NUP54: variants seen among roughly 807,000 people sequenced by gnomAD.
NUP54 encodes nucleoporin 54.
A neutral mutation model predicts 66.4 loss-of-function variants in NUP54; 27 were observed. The ratio of observed to expected loss-of-function variants is 0.41; its 90% confidence interval spans 0.30 to 0.56. NUP54 has a LOEUF of 0.56. NUP54 is among the 20% of genes least tolerant of loss of function. The pLI, the probability that NUP54 is intolerant of heterozygous loss-of-function variation, is 0.34. For missense variants in NUP54, 486 were observed against 596.3 expected (o/e 0.82, Z 1.93); for synonymous variants, 206 against 210.7 (o/e 0.98, Z 0.19).
At chr4:76,132,433 A>T in intron 6 of NUP54, 90 bp downstream of exon 6, 1 of 934,186 alleles carries the variant, frequency 1.1e-6, no homozygotes, top group South Asian at 2.5e-5. Context: ...TTTTATTAGC[A>T]TTAATAACCA....
At chr4:76,122,153 A>G (rs965214166) in intron 9 of NUP54, among the ~76,000 whole-genome samples, 5 of 152,228 alleles carry the variant, frequency 3.3e-5, no homozygotes, top group Non-Finnish European at 7.3e-5. Flanking sequence ...ATGTCCTGTT[A>G]TTAAAACCAA....
chr4:76,147,399 CT>C, intron 1 of NUP54: 1 of 964,978 alleles, frequency 1.0e-6, no homozygotes, highest in Non-Finnish European at 1.4e-6. Flanking sequence ...AGTAACTGTT[CT>C]TTCCCAAACT....
intron 3 of NUP54, among the ~76,000 whole-genome samples, chr4:76,138,895 C>T (rs1165890526): frequency 6.6e-6 from 1 of 152,104 alleles, no homozygotes; most frequent in African/African-American, 2.4e-5. Flanking sequence ...CCAAATGCAA[C>T]AACTGAAACA....
At chr4:76,138,150 T>C (rs150564230) in intron 3 of NUP54, among the ~76,000 whole-genome samples, 219 of 152,244 alleles carry the variant, frequency 1.4e-3, no homozygotes, top group African/African-American at 5.1e-3. Flanking sequence ...CAAATTAGTA[T>C]ATATAAACAT....
At chr4:76,117,922 A>C (rs1730024587) in intron 10 of NUP54, 148 bp from the exon 11 acceptor site, 3 of 1,005,268 alleles carry the variant, frequency 3.0e-6, no homozygotes, top group Non-Finnish European at 3.0e-6. Context: ...AATACTAGCC[A>C]AAAGAACCAT....
At chr4:76,139,296 T>A (rs1316754356) in intron 3 of NUP54, among the ~76,000 whole-genome samples, 2 of 152,180 alleles carry the variant, frequency 1.3e-5, no homozygotes, top group Non-Finnish European at 2.9e-5. Flanking sequence ...AATCTTAGCA[T>A]CACCAAAAGT....
intron 9 of NUP54, among the ~76,000 whole-genome samples, chr4:76,121,367 A>G (rs1178666295): frequency 2.0e-5 from 3 of 152,218 alleles, no homozygotes; most frequent in Non-Finnish European, 2.9e-5. Flanking sequence ...GAAATCTGGT[A>G]AAGAAGTCCC....
At chr4:76,137,096 A>C (rs60499439) in intron 3 of NUP54, among the ~76,000 whole-genome samples, 19,999 of 152,040 alleles carry the variant, frequency 0.13, 1,530 homozygotes, top group East Asian at 0.35. Flanking sequence ...CTCAAGCAAT[A>C]CCCCTGCTTC....
chr4:76,135,669 A>C (rs1428908039), intron 4 of NUP54, among the ~76,000 whole-genome samples: 1 of 152,246 alleles, frequency 6.6e-6, no homozygotes, highest in Non-Finnish European at 1.5e-5. Context: ...TTTGTTATGG[A>C]AAATGCATTA....
chr4:76,123,652 A>G, intron 9 of NUP54, among the ~76,000 whole-genome samples: 1 of 152,060 alleles, frequency 6.6e-6, no homozygotes, highest in East Asian at 1.9e-4. Flanking sequence ...AACTGGAACT[A>G]CAGGCACAAG....
chr4:76,143,252 A>G (rs1044382551), intron 3 of NUP54, among the ~76,000 whole-genome samples: 19 of 152,340 alleles, frequency 1.2e-4, no homozygotes, highest in Non-Finnish European at 1.3e-4. Context: ...TGCAATCAGA[A>G]AAGTCTTGAC....
chr4:76,127,749 C>T (rs991683660), intron 8 of NUP54, among the ~76,000 whole-genome samples: 2 of 151,884 alleles, frequency 1.3e-5, no homozygotes, highest in Middle Eastern at 3.2e-3. Context: ...ATATTTACAA[C>T]GTTATAAACA....
intron 6 of NUP54, chr4:76,132,307 T>C: frequency 3.0e-6 from 1 of 330,910 alleles, no homozygotes; most frequent in Non-Finnish European, 5.3e-6. Context: ...CAGTTCACTA[T>C]TTCTCAAAAT....
chr4:76,123,671 C>A (rs1004649280), intron 9 of NUP54, among the ~76,000 whole-genome samples: 1 of 152,154 alleles, frequency 6.6e-6, no homozygotes, highest in African/African-American at 2.4e-5. Flanking sequence ...AGCAACCATG[C>A]CTGGCTGATT....
Position 76,117,682 on chromosome 4 carries a change from CAG to C in NUP54, c.1375_1376del (p.Leu459ValfsTer16). ...SEERYYIDAD[L>X]LREIKQHLKQ... Reference sequence around the variant, plus strand: ...CACTTACCTGCTTGATTTCTCGTAACAGATCTGCATCTATGTAATACCTTTCT... The same window carrying C: ...CACTTACCTGCTTGATTTCTCGTAACATCTGCATCTATGTAATACCTTTCT... On this transcript the variant is annotated frameshift_variant, in exon 11 of 12. Coordinates refer to ENST00000264883, the MANE Select transcript of NUP54 (RefSeq NM_017426.4). LOFTEE classifies it high-confidence loss of function. 6.2e-7 allele frequency: 1 copy of C among 1,611,236 alleles called. No homozygotes were observed. The highest frequency in any genetic ancestry group is 8.5e-7 in the Non-Finnish European group (1 of 1,177,532).
intron 1 of NUP54, chr4:76,147,526 G>A (rs945130951): frequency 1.6e-6 from 2 of 1,289,686 alleles, no homozygotes; most frequent in Non-Finnish European, 2.0e-6. Context: ...CGCCGAGGTA[G>A]TAGAAACACC....
intron 8 of NUP54, among the ~76,000 whole-genome samples, chr4:76,128,473 CACAAA>C (rs1730640819): frequency 6.8e-6 from 1 of 146,274 alleles, no homozygotes; most frequent in Non-Finnish European, 1.5e-5. Context: ...AGGCTACAAA[CACAAA>C]ACAAATAAAT....
Position 76,115,229 on chromosome 4 carries a change from T to A in NUP54, c.*137A>T. ...TTCAGATTTGATGAACAGTAATTTG[T>A]CAGTAAACTTCTCAAAAAACCAATC... On this transcript the variant is annotated 3_prime_UTR_variant, in exon 12 of 12. Coordinates refer to ENST00000264883, the MANE Select transcript of NUP54 (RefSeq NM_017426.4). 1 of 661,882 alleles carries A rather than the reference T, an allele frequency of 1.5e-6. No individual in the cohort carries two copies. Among genetic ancestry groups the A allele is most frequent in the Non-Finnish European group, 2.3e-6 (1 of 433,838 alleles). 41.0% of individuals were successfully genotyped at this position (661,882 alleles called of 1,614,324 possible). A position where few individuals can be genotyped will look rare whatever the true frequency, so the allele number is the denominator to read the frequency against.
Position 76,148,370 on chromosome 4 carries a change from G to A in NUP54, c.5C>T (p.Ala2Val), listed in dbSNP as rs1047707173. Residue 2 changes from alanine to valine, a missense_variant, in exon 1 of 12, where the codon GCC becomes GTC. Physicochemically the swap from Ala to Val is moderately conservative, Grantham distance 64. Coordinates refer to ENST00000264883, the MANE Select transcript of NUP54 (RefSeq NM_017426.4). ...GCCCGAGGGAGCCCCAAAATTGAAG[G>A]CCATGTCGCGAAAGCAGGAGACCAA... The part of the protein sequence containing the change: M[A>V]FNFGAPSGTS... 6.5e-7 allele frequency: 1 copy of A among 1,541,876 alleles called. No homozygotes were observed. The highest frequency in any genetic ancestry group is 8.7e-7 in the Non-Finnish European group (1 of 1,145,288).
Sources: allele counts gnomAD v4.1 joint callset (sites outside exome capture counted in the v4.1 genomes callset), GRCh38; gene constraint gnomAD v4.1.1; transcripts MANE v1.5; gene names NCBI Gene and HGNC (gene_info 2026-07-23, HGNC 2026-07-21).